Variants in DSCAM observed in about 807,000 individuals in gnomAD.
DSCAM encodes the protein DS cell adhesion molecule, also known as cell adhesion molecule DSCAM.
Under a neutral mutation model 217.7 loss-of-function variants are expected in DSCAM, and 47 were observed. That is an observed-to-expected ratio of 0.22 (90% CI 0.17 to 0.28). The LOEUF (loss-of-function observed/expected upper bound fraction) is 0.28. DSCAM is among the 10% of genes least tolerant of loss of function. DSCAM has a pLI of 1.00. For synonymous variants in DSCAM, 1,056 were observed against 1,015.3 expected, an observed-to-expected ratio of 1.04 and a Z score of -0.76; for missense variants, 2,080 against 2,618.3, an observed-to-expected ratio of 0.79 and a Z score of 4.49.
chr21:40,601,927 G>A (rs1276353212), intron 3 of DSCAM, among the ~76,000 whole-genome samples: 1 of 151,778 alleles, frequency 6.6e-6, no homozygotes, highest in Non-Finnish European at 1.5e-5. Context: ...ATTTTATTGA[G>A]TAATTTTGTA....
Position 40,826,288 on chromosome 21 carries a change from G to A in DSCAM, c.43+20331C>T, listed in dbSNP as rs187243676. On this transcript the variant is annotated intron_variant, in intron 1 of 32. Coordinates refer to ENST00000400454, the MANE Select transcript of DSCAM (RefSeq NM_001389.5). ...GTAGAGCATTCCAGGCAGAACACGCGGCCAGTGCAGTGCTGAGGAGAGGAC... is the reference window on the plus strand; with the variant it reads ...GTAGAGCATTCCAGGCAGAACACGCAGCCAGTGCAGTGCTGAGGAGAGGAC... Among the ~76,000 whole-genome samples the A allele has an allele frequency of 6.6e-4, 101 of 152,294 alleles. 3 individuals carry two copies. In the East Asian group the frequency reaches 0.011, roughly 17 times the overall value.
At chr21:40,078,535 CCAGA>C in intron 26 of DSCAM, 148 bp downstream of exon 26, 1 of 991,850 alleles carries the variant, frequency 1.0e-6, no homozygotes, top group East Asian at 2.6e-5. Context: ...CTAGGGAGCC[CCAGA>C]CAGAGTCCAT....
At chr21:40,367,124 C>G (rs563050609) in intron 4 of DSCAM, among the ~76,000 whole-genome samples, 2 of 152,306 alleles carry the variant, frequency 1.3e-5, no homozygotes, top group East Asian at 3.9e-4. Flanking sequence ...ACCAGCCACT[C>G]TAATGGCCTT....
At chr21:40,669,494 T>C (rs1270482133) in intron 3 of DSCAM, among the ~76,000 whole-genome samples, 2 of 152,268 alleles carry the variant, frequency 1.3e-5, no homozygotes, top group East Asian at 3.9e-4. Context: ...CTGTAGCTTA[T>C]ACACTAGTTG....
intron 3 of DSCAM, among the ~76,000 whole-genome samples, chr21:40,475,443 T>C (rs2075925416): frequency 6.6e-6 from 1 of 152,148 alleles, no homozygotes; most frequent in African/African-American, 2.4e-5. Context: ...TAGATTAGAG[T>C]CAGGGGCTCT....
chr21:40,435,853 G>A (rs1412431479), intron 3 of DSCAM, among the ~76,000 whole-genome samples: 2 of 152,162 alleles, frequency 1.3e-5, no homozygotes, highest in African/African-American at 4.8e-5. Context: ...ACCATACTTT[G>A]AATTTTGATC....
chr21:40,288,634 A>G (rs2073855459), intron 10 of DSCAM, among the ~76,000 whole-genome samples: 1 of 152,246 alleles, frequency 6.6e-6, no homozygotes, highest in African/African-American at 2.4e-5. Flanking sequence ...CCCCTTAGAC[A>G]ATAAGGTATC....
At chr21:40,622,837 A>T (rs1316785235) in intron 3 of DSCAM, among the ~76,000 whole-genome samples, 1 of 151,490 alleles carries the variant, frequency 6.6e-6, no homozygotes, top group African/African-American at 2.4e-5. Flanking sequence ...TTTAGAGTTA[A>T]AAGCACTTAA....
intron 3 of DSCAM, among the ~76,000 whole-genome samples, chr21:40,638,886 T>C (rs138861436): frequency 2.1e-5 from 3 of 144,824 alleles, no homozygotes; most frequent in Non-Finnish European, 3.1e-5. Flanking sequence ...ATGTTGGGTA[T>C]TTTTAAAAAT....
At chr21:40,197,807 C>G (rs1049488705) in intron 11 of DSCAM, among the ~76,000 whole-genome samples, 1 of 152,190 alleles carries the variant, frequency 6.6e-6, no homozygotes, top group Non-Finnish European at 1.5e-5. Context: ...TTCCATTTAC[C>G]TATAATTACC....
chr21:40,686,091 T>G lies in DSCAM; in HGVS notation c.508+6719A>C, dbSNP rs117460014. Reference sequence around the variant, plus strand: ...TAGTGTGACTGAGTGGCCCAACAAATGAGGTTTTACACACACATACACAAC... The same window carrying G: ...TAGTGTGACTGAGTGGCCCAACAAAGGAGGTTTTACACACACATACACAAC... On this transcript the variant is annotated intron_variant, in intron 3 of 32. Transcript: ENST00000400454. Among the ~76,000 whole-genome samples, 778 of 151,834 alleles carry G rather than the reference T, an allele frequency of 5.1e-3. 2 individuals are homozygous for G. The highest frequency in any genetic ancestry group is 0.01 in the Middle Eastern group (3 of 294).
intron 1 of DSCAM, among the ~76,000 whole-genome samples, chr21:40,791,244 G>A (rs975631111): frequency 7.9e-5 from 12 of 152,048 alleles, no homozygotes; most frequent in African/African-American, 2.4e-4. Flanking sequence ...ACGTGGACAC[G>A]GCTGGATGGC....
chr21:40,685,841 G>A (rs988667778), intron 3 of DSCAM, among the ~76,000 whole-genome samples: 1 of 152,078 alleles, frequency 6.6e-6, no homozygotes, highest in Admixed American at 6.5e-5. Context: ...CTTAAGAAGT[G>A]GAATATTCAA....
At chr21:40,208,234 C>A (rs2091146468) in intron 11 of DSCAM, among the ~76,000 whole-genome samples, 1 of 152,252 alleles carries the variant, frequency 6.6e-6, no homozygotes, top group Admixed American at 6.5e-5. Context: ...GGGTGGATCA[C>A]CTGAGGTCAA....
chr21:40,488,816 A>G (rs1417855306), intron 3 of DSCAM, among the ~76,000 whole-genome samples: 3 of 152,178 alleles, frequency 2.0e-5, no homozygotes, highest in Admixed American at 6.5e-5. Context: ...CCTTTACTGG[A>G]CACAATTTAA....
At chr21:40,678,535 G>A (rs958398337) in intron 3 of DSCAM, among the ~76,000 whole-genome samples, 2 of 152,104 alleles carry the variant, frequency 1.3e-5, no homozygotes, top group African/African-American at 2.4e-5. Context: ...GGCGCGTGTG[G>A]GTGATCTGAT....
rs1348025259 is a variant in DSCAM at position 40,142,619 on chromosome 21, T to C, written c.3345A>G (p.Glu1115=). The C allele has an allele frequency of 3.1e-6, 5 of 1,614,198 alleles. No individual in the cohort carries two copies. ...ISISWSTLSK[E]ALNGILQGFR... is the part of the protein sequence containing the mutation. ...ACCCCTGGAGAATTCCATTCAAGGC[T>C]TCCTTGGAAAGTGTGGACCAGGATA... Residue 1115 remains glutamate (E), a synonymous_variant, in exon 18 of 33, where the codon GAA becomes GAG. Transcript: ENST00000400454.
chr21:40,305,343 T>C (rs920803113), intron 9 of DSCAM, among the ~76,000 whole-genome samples: 4 of 146,944 alleles, frequency 2.7e-5, no homozygotes, highest in African/African-American at 1.0e-4. Context: ...TGAGTGGAGA[T>C]TGGCCCATTG....
At chr21:40,262,229 G>A (rs1039536788) in intron 11 of DSCAM, among the ~76,000 whole-genome samples, 1 of 152,102 alleles carries the variant, frequency 6.6e-6, no homozygotes, top group Non-Finnish European at 1.5e-5. Flanking sequence ...TGTTGTTTAA[G>A]CCCACCTCCC....
Sources: allele counts gnomAD v4.1 joint callset (sites outside exome capture counted in the v4.1 genomes callset), GRCh38; gene constraint gnomAD v4.1.1; transcripts MANE v1.5; gene names NCBI Gene and HGNC (gene_info 2026-07-23, HGNC 2026-07-21).